Variants in BCL2L12 observed in about 807,000 individuals in gnomAD.
BCL2L12 encodes the protein bcl-2-like protein 12.
A neutral mutation model predicts 25.7 loss-of-function variants in BCL2L12; 27 were observed. The ratio of observed to expected loss-of-function variants is 1.05; its 90% CI spans 0.78 to 1.45. BCL2L12 has a LOEUF of 1.45. BCL2L12 is among the 40% of genes most tolerant of loss of function. BCL2L12 has a pLI of 0.00. For synonymous variants in BCL2L12, 132 were observed against 145.6 expected (o/e 0.91, Z 0.67); for missense variants, 302 against 329.8 (o/e 0.92, Z 0.65).
In BCL2L12 at chr19:49,665,934, C is replaced by CT; in HGVS notation, c.-139dup. The CT allele has an allele frequency of 6.2e-7, 1 of 1,613,804 alleles. No individual in the cohort carries two copies. Among genetic ancestry groups the CT allele is most frequent in the Non-Finnish European group, 8.5e-7 (1 of 1,179,838 alleles). On this transcript the variant is annotated 5_prime_UTR_variant, in exon 1 of 7. Coordinates refer to ENST00000246784, the MANE Select transcript of BCL2L12 (RefSeq NM_138639.2). ...TTGAGCGTGCACCCAGCGTTCCGCCCTTTCTACGCTGGGCCGGTTATCGAC... is the reference window on the plus strand; with the variant it reads ...TTGAGCGTGCACCCAGCGTTCCGCCCTTTTCTACGCTGGGCCGGTTATCGAC...
At position 49,670,337 on chromosome 19, in the gene BCL2L12, G is replaced by A; in HGVS notation, c.551G>A (p.Gly184Glu). The stretch of plus-strand genomic sequence containing the variant: ...TCTCGCCCAAGCCGAGCATGCCCCG[G>A]GCCCCCGCCTCCTTCCCCGGAGCCC... ...DSSRPSRACP[G>E]PPPPSPEPLA... The change falls in exon 6 of 7, where the codon GGG (glycine) becomes GAG (glutamate). Residue 184 changes from glycine to glutamate, a missense_variant. Transcript: ENST00000246784. The A allele has an allele frequency of 6.2e-7, 1 of 1,601,784 alleles. No individual in the cohort carries two copies. Among genetic ancestry groups the A allele is most frequent in the Non-Finnish European group, 8.5e-7 (1 of 1,175,556 alleles).
At position 49,672,735 on chromosome 19, in the gene BCL2L12, G is replaced by T. The variant is rs879261110; in HGVS notation, c.703-963G>T. On this transcript the variant is annotated intron_variant, in intron 6 of 6. Transcript: ENST00000246784. This position sits in a 1 kb window ranked among gnomAD's most constrained non-coding sequence, Gnocchi z 4.1. ...TCTTAAGTTCCCCGAGATGGGGAAG[G>T]TGTGGGGATGGGGGCGATGGGGGTG... is the stretch of plus-strand genomic sequence containing the variant. Among the ~76,000 whole-genome samples, 53 of 151,708 alleles carry T rather than the reference G, an allele frequency of 3.5e-4. No individual in the cohort carries two copies. The highest frequency in any genetic ancestry group is 6.0e-4 in the Non-Finnish European group (41 of 67,964).
Position 49,670,244 on chromosome 19 carries a change from A to ATT in BCL2L12, c.458_459insTT (p.Lys153AsnfsTer47), listed in dbSNP as rs2081928782. The ATT allele has an allele frequency of 6.2e-7, 1 of 1,608,782 alleles. No individual in the cohort carries two copies. Among genetic ancestry groups the ATT allele is most frequent in the Non-Finnish European group, 8.5e-7 (1 of 1,179,576 alleles). On this transcript the variant is annotated frameshift_variant, in exon 6 of 7. Transcript: ENST00000246784. LOFTEE classifies it high-confidence loss of function. ...GCCTCGGACCCCGCCCTGCGCAGCA[A>ATT]GCTGGTCCGCCTGTCCTCCGACTCT... is the stretch of plus-strand genomic sequence containing the variant.
In BCL2L12 at chr19:49,670,334, C is replaced by T; in HGVS notation, c.548C>T (p.Pro183Leu). 6.2e-7 allele frequency: 1 copy of T among 1,602,216 alleles called. No individual in the cohort carries two copies. The highest frequency in any genetic ancestry group is 8.5e-7 in the Non-Finnish European group (1 of 1,175,710). The stretch of plus-strand genomic sequence containing the variant: ...AGCTCTCGCCCAAGCCGAGCATGCC[C>T]CGGGCCCCCGCCTCCTTCCCCGGAG... Reference protein sequence around the residue: ...DDSSRPSRACPGPPPPSPEPL... With the variant: ...DDSSRPSRACLGPPPPSPEPL... The change falls in exon 6 of 7, where the codon CCC becomes CTC. Residue 183 changes from proline (P) to leucine (L), a missense_variant. Pro to Leu is a moderately conservative substitution (Grantham distance 98). Coordinates refer to ENST00000246784, the MANE Select transcript of BCL2L12 (RefSeq NM_138639.2).
intron 3 of BCL2L12, among the ~76,000 whole-genome samples, chr19:49,667,467 T>C (rs1282450281): frequency 6.6e-6 from 1 of 152,144 alleles, no homozygotes; most frequent in African/African-American, 2.4e-5. Flanking sequence ...CACATCTCCC[T>C]GGCTGTTTTA....
In BCL2L12 at chr19:49,670,209, C is replaced by A. The variant is rs1308758649; in HGVS notation, c.430-7C>A. ...CTGACGCGGACCCTGCCTCTTCCACCCTACAGCTGGCCTCGGACCCCGCCC... is the reference window on the plus strand; with the variant it reads ...CTGACGCGGACCCTGCCTCTTCCACACTACAGCTGGCCTCGGACCCCGCCC... On this transcript the variant is annotated splice_region_variant and splice_polypyrimidine_tract_variant and intron_variant, in intron 5 of 6. Transcript: ENST00000246784. The A allele has an allele frequency of 1.7e-5, 27 of 1,602,206 alleles. No homozygotes were observed. The highest frequency in any genetic ancestry group is 2.7e-5 in the African/African-American group (2 of 74,712).
At position 49,673,841 on chromosome 19, in the gene BCL2L12, G is replaced by A; in HGVS notation, c.*93G>A. ...TCTTCCTATTCCACTCAGGGCTGTG[G>A]GGTGGTGGTTGCCCTACCTGTTTTT... On this transcript the variant is annotated 3_prime_UTR_variant, in exon 7 of 7. Transcript: ENST00000246784. 2 of 1,464,884 alleles carry A rather than the reference G, an allele frequency of 1.4e-6. No homozygotes were observed. The highest frequency in any genetic ancestry group is 1.9e-6 in the Non-Finnish European group (2 of 1,060,516). 90.7% of individuals were successfully genotyped at this position (1,464,884 alleles called of 1,614,324 possible). A position where few individuals can be genotyped will look rare whatever the true frequency, so the allele number is the denominator to read the frequency against.
At position 49,669,140 on chromosome 19, in the gene BCL2L12, T is replaced by G. The variant is rs539619874; in HGVS notation, c.429+25T>G. The G allele has an allele frequency of 1.9e-6, 3 of 1,611,398 alleles. No homozygotes were observed. In the Admixed American group the frequency reaches 5.0e-5, roughly 27 times the overall value. On this transcript the variant is annotated intron_variant, in intron 5 of 6. Coordinates refer to ENST00000246784, the MANE Select transcript of BCL2L12 (RefSeq NM_138639.2). ...GGTGATGGGCATCTGTCCCACTCCT[T>G]GGCAAGGACAGGAGTTGCGGAATGG... is the stretch of plus-strand genomic sequence containing the variant.
chr19:49,666,885 C>G (rs2081797360), intron 2 of BCL2L12, 86 bp downstream of exon 2: 6 of 1,516,230 alleles, frequency 4.0e-6, no homozygotes, highest in Admixed American at 2.0e-5. Flanking sequence ...TGTCTCCTCT[C>G]TTTATATCTG....
chr19:49,671,019 G>T (rs1407058892), intron 6 of BCL2L12, among the ~76,000 whole-genome samples: 1 of 151,952 alleles, frequency 6.6e-6, no homozygotes, highest in African/African-American at 2.4e-5. Flanking sequence ...TAAATTAGCC[G>T]GGCGCGGTGG....
rs2081790432 is a variant in BCL2L12, at chr19:49,666,784, T to C, written c.92T>C (p.Val31Ala). The change falls in exon 2 of 7, where the codon GTT (valine) becomes GCT (alanine). Residue 31 changes from valine (V) to alanine (A), a missense_variant. Physicochemically the swap from Val to Ala is moderately conservative, Grantham distance 64. Coordinates refer to ENST00000246784, the MANE Select transcript of BCL2L12 (RefSeq NM_138639.2). ...LRRGEAAGSPVPTPPRSPAQE... is the reference protein window; with the variant it reads ...LRRGEAAGSPAPTPPRSPAQE... ...CGTGGTGAGGCTGCCGGGTCTCCTG[T>C]TCCAACTCCACCTAGGTAAGAGGAG... 1.9e-6 allele frequency: 3 copies of C among 1,558,908 alleles called. No homozygotes were observed. Among genetic ancestry groups the C allele is most frequent in the Non-Finnish European group, 2.6e-6 (3 of 1,150,744 alleles).
intron 6 of BCL2L12, among the ~76,000 whole-genome samples, chr19:49,671,333 C>T (rs1273952149): frequency 1.3e-5 from 2 of 151,972 alleles, no homozygotes; most frequent in Non-Finnish European, 2.9e-5. Flanking sequence ...CCTGTAATCC[C>T]AGCTAGGGAG....
intron 6 of BCL2L12, among the ~76,000 whole-genome samples, chr19:49,671,476 T>C (rs1026804216): frequency 6.6e-6 from 1 of 152,064 alleles, no homozygotes; most frequent in Non-Finnish European, 1.5e-5. Context: ...ATTTTTAAAA[T>C]TAATAATAAT....
chr19:49,666,774 G>T lies in BCL2L12; in HGVS notation c.82G>T (p.Gly28Trp), dbSNP rs1366736004. ...AAFLRRGEAA[G>W]SPVPTPPRSP... ...CTTCCTTAGGCGTGGTGAGGCTGCC[G>T]GGTCTCCTGTTCCAACTCCACCTAG... Residue 28 changes from glycine to tryptophan, a missense_variant, in exon 2 of 7, where the codon GGG (glycine) becomes TGG (tryptophan). Transcript: ENST00000246784. 1.3e-6 allele frequency: 2 copies of T among 1,559,680 alleles called. No individual in the cohort carries two copies. Among genetic ancestry groups the T allele is most frequent in the Non-Finnish European group, 1.7e-6 (2 of 1,151,196 alleles).
upstream of BCL2L12, chr19:49,665,753 G>C (rs1400814511): frequency 6.5e-7 from 1 of 1,531,288 alleles, no homozygotes; most frequent in Non-Finnish European, 8.8e-7. Flanking sequence ...GAGCGCTGGG[G>C]CTTTCTTTTT....
chr19:49,668,471 C>T (rs984339910), intron 3 of BCL2L12, among the ~76,000 whole-genome samples: 13 of 151,796 alleles, frequency 8.6e-5, no homozygotes, highest in African/African-American at 3.1e-4. Context: ...GCATTTTTAA[C>T]CAAGTTTTCT....
chr19:49,666,595 C>A, intron 1 of BCL2L12, 90 bp from the exon 2 acceptor site: 1 of 983,096 alleles, frequency 1.0e-6, no homozygotes, highest in Non-Finnish European at 1.5e-6. Flanking sequence ...AGGCCCTCAG[C>A]ACCTTCCTTG....
rs1168273905 is a variant in BCL2L12 at position 49,669,110 on chromosome 19, C to T, written c.424C>T (p.Gln142Ter). 8 of 1,613,720 alleles carry T rather than the reference C, an allele frequency of 5.0e-6. No individual in the cohort carries two copies. The Admixed American group carries it at 6.7e-5, about 13-fold the overall frequency. ...GGAGGAGGAGGCAGAAGTCATTAAC[C>T]AGAAGGTGATGGGCATCTGTCCCAC... ...LLEEEAEVIN[Q>*]KLASDPALRS... Residue 142 changes from glutamine to a stop codon, truncating the protein, a stop_gained, in exon 5 of 7, where the codon CAG (glutamine) becomes TAG (stop). Transcript: ENST00000246784. LOFTEE classifies it high-confidence loss of function.
At chr19:49,665,835 C>G, upstream of BCL2L12, 1 of 1,597,106 alleles carries the variant, frequency 6.3e-7, no homozygotes, top group Non-Finnish European at 8.6e-7. Flanking sequence ...TGGGACGGCC[C>G]GCTGGGCTGT....
Sources: gnomAD v4.1 joint callset for allele counts (sites outside exome capture counted in the v4.1 genomes callset) on GRCh38, gnomAD v4.1.1 for gene constraint, Gnocchi (gnomAD v3.1) non-coding constraint, MANE v1.5 for transcripts, NCBI Gene and HGNC (gene_info 2026-07-23, HGNC 2026-07-21) for gene names.